Variants in CABLES1 observed in about 807,000 individuals in gnomAD.
CABLES1 encodes the protein CDK5 and ABL1 enzyme substrate 1.
CABLES1 carries 36 observed loss-of-function variants against 57.8 expected under a neutral mutation model. The ratio of observed to expected loss-of-function variants is 0.62; its 90% CI spans 0.48 to 0.82. CABLES1 has a LOEUF of 0.82. CABLES1 is among the 40% of genes least tolerant of loss of function. The pLI is 0.00. For missense variants in CABLES1, 767 were observed against 836.6 expected (o/e 0.92, Z 1.03); for synonymous variants, 374 against 363.0 (o/e 1.03, Z -0.35).
At chr18:23,182,343 T>C (rs965411039) in intron 1 of CABLES1, among the ~76,000 whole-genome samples, 2 of 152,218 alleles carry the variant, frequency 1.3e-5, no homozygotes, top group Non-Finnish European at 2.9e-5. Context: ...GACCACCTAT[T>C]ATCTGGAGGT....
At chr18:23,177,418 T>TACACACACAC (rs10692529) in intron 1 of CABLES1, among the ~76,000 whole-genome samples, 1,687 of 144,728 alleles carry the variant, frequency 0.012, 16 homozygotes, top group East Asian at 0.051. Context: ...AGCACATGTG[T>TACACACACAC]ACACACACAC....
chr18:23,205,121 T>C (rs2047353419), intron 3 of CABLES1, among the ~76,000 whole-genome samples: 1 of 151,088 alleles, frequency 6.6e-6, no homozygotes, highest in Admixed American at 6.6e-5. Context: ...AGGATGCAGC[T>C]ACCAGGGCTG....
chr18:23,197,043 G>GT (rs1334050107), intron 3 of CABLES1: 1 of 152,264 alleles, frequency 6.6e-6, no homozygotes, highest in Non-Finnish European at 1.5e-5. Flanking sequence ...AAGGACCAGA[G>GT]TGCAGCTCAA....
At chr18:23,147,328 C>T (rs1224855019) in intron 1 of CABLES1, among the ~76,000 whole-genome samples, 1 of 152,258 alleles carries the variant, frequency 6.6e-6, no homozygotes, top group Non-Finnish European at 1.5e-5. Flanking sequence ...GGACAACACG[C>T]TTAACCACTC....
At chr18:23,254,092 G>C (rs2048105944) in intron 9 of CABLES1, among the ~76,000 whole-genome samples, 156 bp downstream of exon 9, 1 of 152,224 alleles carries the variant, frequency 6.6e-6, no homozygotes, top group African/African-American at 2.4e-5. Flanking sequence ...AGTGGGAATA[G>C]TCAGGCTATC....
intron 4 of CABLES1, among the ~76,000 whole-genome samples, chr18:23,233,034 T>C (rs1156527553): frequency 6.6e-6 from 1 of 152,184 alleles, no homozygotes; most frequent in South Asian, 2.1e-4. Flanking sequence ...GACCCCTGAA[T>C]ATGGTCCCTC....
intron 7 of CABLES1, among the ~76,000 whole-genome samples, chr18:23,241,775 T>A (rs375698003): frequency 8.5e-5 from 13 of 152,226 alleles, no homozygotes; most frequent in African/African-American, 3.1e-4. Context: ...GTGTCCTAAG[T>A]GTAATATAAA....
chr18:23,193,399 C>T (rs1318576212), intron 2 of CABLES1, among the ~76,000 whole-genome samples: 2 of 152,124 alleles, frequency 1.3e-5, no homozygotes. Context: ...ACCATATTGG[C>T]CAGGCTGGTC....
chr18:23,239,856 G>A lies in CABLES1; in HGVS notation c.1446+2611G>A, dbSNP rs544707220. On this transcript the variant is annotated intron_variant, in intron 7 of 9. Transcript: ENST00000256925. ...CAGGAGACCAGGCATGGTGGCTCACGCCTGTAATCCCAGAACTTTGGGAGG... is the reference window on the plus strand; with the variant it reads ...CAGGAGACCAGGCATGGTGGCTCACACCTGTAATCCCAGAACTTTGGGAGG... Among the ~76,000 whole-genome samples the A allele has an allele frequency of 2.0e-4, 31 of 152,308 alleles. 1 individual carries two copies. In the South Asian group the frequency reaches 5.0e-3, roughly 24 times the overall value.
intron 4 of CABLES1, among the ~76,000 whole-genome samples, chr18:23,223,108 C>T (rs1470198022): frequency 3.3e-5 from 5 of 152,212 alleles, no homozygotes; most frequent in Non-Finnish European, 7.3e-5. Flanking sequence ...CTGGCTTCTG[C>T]AGTCTTTGCT....
At chr18:23,167,499 G>A (rs981199098) in intron 1 of CABLES1, among the ~76,000 whole-genome samples, 14 of 152,326 alleles carry the variant, frequency 9.2e-5, no homozygotes, top group African/African-American at 3.1e-4. Flanking sequence ...GTTAGATTCT[G>A]TTGCTTCTAA....
Position 23,188,884 on chromosome 18 carries a change from A to G in CABLES1, c.892A>G (p.Ile298Val). 6.2e-7 allele frequency: 1 copy of G among 1,613,690 alleles called. No individual in the cohort carries two copies. The highest frequency in any genetic ancestry group is 8.5e-7 in the Non-Finnish European group (1 of 1,179,644). The change falls in exon 2 of 10, where the codon ATT becomes GTT. Residue 298 changes from isoleucine to valine, a missense_variant. This residue lies in a region of CABLES1 where 529 missense variants were observed against 622.8 expected (regional missense o/e 0.85). Coordinates refer to ENST00000256925, the MANE Select transcript of CABLES1 (RefSeq NM_001100619.3). ...ATCTTCCTTGGAGACCCTGGAAGAT[A>G]TTGAGGAGAACGCCCCTCTCCGGAG... is the stretch of plus-strand genomic sequence containing the variant. Reference protein sequence around the residue: ...QRSSLETLEDIEENAPLRRCR... With the variant: ...QRSSLETLEDVEENAPLRRCR...
At chr18:23,188,781 G>A in intron 1 of CABLES1, 57 bp from the exon 2 acceptor site, 1 of 1,201,578 alleles carries the variant, frequency 8.3e-7, no homozygotes, top group Non-Finnish European at 1.2e-6. Context: ...TTGCACAAAT[G>A]TCTGATCAGT....
chr18:23,234,774 G>A (rs2047591448), intron 5 of CABLES1, 70 bp downstream of exon 5: 3 of 1,261,258 alleles, frequency 2.4e-6, no homozygotes, highest in Admixed American at 1.9e-5. Flanking sequence ...GAGGAGGGGG[G>A]CAGCCCACAA....
intron 7 of CABLES1, among the ~76,000 whole-genome samples, chr18:23,238,228 CG>C (rs1272611425): frequency 6.6e-6 from 1 of 152,238 alleles, no homozygotes; most frequent in Non-Finnish European, 1.5e-5. Context: ...ACCAATCCCC[CG>C]TACTCAAAGG....
rs1462850362 is a variant in CABLES1 at position 23,260,333 on chromosome 18, G to A, written c.*2966G>A. On this transcript the variant is annotated 3_prime_UTR_variant, in exon 10 of 10. Coordinates refer to ENST00000256925, the MANE Select transcript of CABLES1 (RefSeq NM_001100619.3). ...GGTTATCAGCTGCAGGCTCAGCTTG[G>A]GGCGGCCGCTTCACACAAGCCACTC... 1.3e-5 allele frequency: 2 copies of A among 152,228 alleles called. No homozygotes were observed. The highest frequency in any genetic ancestry group is 4.8e-5 in the African/African-American group (2 of 41,442). 9.4% of individuals were successfully genotyped at this position (152,228 alleles called of 1,614,324 possible).
intron 7 of CABLES1, among the ~76,000 whole-genome samples, chr18:23,252,017 C>T (rs1011498817): frequency 2.7e-5 from 4 of 148,788 alleles, no homozygotes; most frequent in African/African-American, 9.9e-5. Context: ...ACCCGGGAGG[C>T]GGAGGTTGCA....
intron 1 of CABLES1, among the ~76,000 whole-genome samples, chr18:23,166,350 C>A (rs1307212660): frequency 6.6e-6 from 1 of 151,934 alleles, no homozygotes; most frequent in African/African-American, 2.4e-5. Context: ...CTACAGGCAC[C>A]CACCACCATG....
rs79013390 is a variant in CABLES1, at chr18:23,208,374, G to T, written c.1011-5603G>T. Among the ~76,000 whole-genome samples the T allele has an allele frequency of 4.5e-3, 692 of 152,284 alleles. 2 individuals carry two copies. The highest frequency in any genetic ancestry group is 0.01 in the African/African-American group (429 of 41,560). ...TAGAGTAAACAAGAACATTTTGTTG[G>T]TGGTGGTGGTGTTTTCGTTCAGCTC... is the stretch of plus-strand genomic sequence containing the variant. On this transcript the variant is annotated intron_variant, in intron 3 of 9. Transcript: ENST00000256925.
Sources: gnomAD v4.1 joint callset for allele counts (sites outside exome capture counted in the v4.1 genomes callset) on GRCh38, gnomAD v4.1.1 for gene constraint, gnomAD v4.1.1 regional missense constraint, MANE v1.5 for transcripts, NCBI Gene and HGNC (gene_info 2026-07-23, HGNC 2026-07-21) for gene names.